Variants in GRIN2B observed in about 807,000 individuals in gnomAD.
GRIN2B encodes the protein glutamate ionotropic receptor NMDA type subunit 2B.
GRIN2B carries 5 observed loss-of-function variants against 114.5 expected under a neutral mutation model. That is an observed-to-expected ratio of 0.04 (90% CI 0.02 to 0.09). GRIN2B has a LOEUF of 0.09. Among genes scored for constraint, GRIN2B ranks in the 10% least tolerant of loss-of-function variants. The probability of loss-of-function intolerance (pLI) is 1.00; values close to 1 mark genes in which losing one functional copy is unlikely to be tolerated. For synonymous variants in GRIN2B, 787 were observed against 745.1 expected, an observed-to-expected ratio of 1.06 and a Z score of -0.92; for missense variants, 1,108 against 1,943.5, an observed-to-expected ratio of 0.57 and a Z score of 8.08.
chr12:13,730,075 C>A (rs1863060832), intron 4 of GRIN2B, among the ~76,000 whole-genome samples: 1 of 150,912 alleles, frequency 6.6e-6, no homozygotes, highest in African/African-American at 2.4e-5. Context: ...TTCCTTCCTC[C>A]TATCGTGAAG....
intron 5 of GRIN2B, among the ~76,000 whole-genome samples, chr12:13,617,615 G>T (rs1949460796): frequency 6.6e-6 from 1 of 152,196 alleles, no homozygotes; most frequent in Non-Finnish European, 1.5e-5. Context: ...GGGAACACTT[G>T]CTTATTTTCT....
rs550872238 is a variant in GRIN2B, at chr12:13,620,996, G to A, written c.1126-4339C>T. On this transcript the variant is annotated intron_variant, in intron 5 of 13. Coordinates refer to ENST00000609686, the MANE Select transcript of GRIN2B (RefSeq NM_000834.5). Reference sequence around the variant, plus strand: ...ATCAGATTCCCAATTCCAACAAACAGGGTTCATGTTAAAGAACATGTTTAG... The same window carrying A: ...ATCAGATTCCCAATTCCAACAAACAAGGTTCATGTTAAAGAACATGTTTAG... Among the ~76,000 whole-genome samples the A allele has an allele frequency of 1.0e-4, 15 of 150,674 alleles. No individual in the cohort carries two copies. The East Asian group carries it at 2.9e-3, about 29-fold the overall frequency.
chr12:13,786,992 T>G (rs1386288673), intron 3 of GRIN2B, among the ~76,000 whole-genome samples: 3 of 152,110 alleles, frequency 2.0e-5, no homozygotes, highest in African/African-American at 7.2e-5. Context: ...ATCCACCTCC[T>G]CCAAGGAACC....
chr12:13,567,326 G>C, intron 12 of GRIN2B, 63 bp from the exon 13 acceptor site: 1 of 1,099,794 alleles, frequency 9.1e-7, no homozygotes, highest in Non-Finnish European at 1.4e-6. Context: ...GCAGAGAAAA[G>C]GGAGAAAGAG....
intron 3 of GRIN2B, among the ~76,000 whole-genome samples, chr12:13,770,235 G>A (rs1388901161): frequency 1.3e-5 from 2 of 152,164 alleles, no homozygotes; most frequent in Non-Finnish European, 2.9e-5. Flanking sequence ...TGAAAGAACT[G>A]GCTCTGACCA....
chr12:13,657,820 C>G lies in GRIN2B; in HGVS notation c.1125+17925G>C, dbSNP rs78372913. On this transcript the variant is annotated intron_variant, in intron 5 of 13. Transcript: ENST00000609686. ...TTTATACGATTTAATATATTTATGA[C>G]ATCATTCACAGCATATTGTGATTAT... 9.2e-5 allele frequency among the ~76,000 whole-genome samples: 14 copies of G among 152,204 alleles called. No individual in the cohort carries two copies. The East Asian group carries it at 2.7e-3, about 29-fold the overall frequency.
Position 13,605,547 on chromosome 12 carries a change from T to TGA in GRIN2B, c.2010+3055_2010+3056insTC, listed in dbSNP as rs1276977554. 3.9e-4 allele frequency among the ~76,000 whole-genome samples: 19 copies of TGA among 49,042 alleles called. 1 individual carries two copies. The highest frequency in any genetic ancestry group is 9.8e-4 in the African/African-American group (16 of 16,366). The allele number at this position is 49,042 out of a possible 152,430, so 32.2% of individuals were successfully genotyped here. On this transcript the variant is annotated intron_variant, in intron 10 of 13. Transcript: ENST00000609686. ...CTCTCTCTCTCTCTCTCTCTCTCTC[T>TGA]CTCTGACACACACACACACACACAC...
chr12:13,583,165 C>A (rs1432818096), intron 10 of GRIN2B, among the ~76,000 whole-genome samples: 1 of 152,166 alleles, frequency 6.6e-6, no homozygotes, highest in Non-Finnish European at 1.5e-5. Flanking sequence ...GCATAAACCA[C>A]ATATAAGCCA....
At position 13,927,643 on chromosome 12, in the gene GRIN2B, G is replaced by A. The variant is rs535108608; in HGVS notation, c.-19+52285C>T. 1.6e-4 allele frequency among the ~76,000 whole-genome samples: 25 copies of A among 152,096 alleles called. No individual in the cohort carries two copies. In the East Asian group the frequency reaches 4.5e-3, roughly 27 times the overall value. On this transcript the variant is annotated intron_variant, in intron 2 of 13. Coordinates refer to ENST00000609686, the MANE Select transcript of GRIN2B (RefSeq NM_000834.5). ...GTGAGAAAATGACCACACCCTACCAGTGTTTATATTAGCTAACAGAGAGGG... is the reference window on the plus strand; with the variant it reads ...GTGAGAAAATGACCACACCCTACCAATGTTTATATTAGCTAACAGAGAGGG...
chr12:13,711,600 T>C (rs1447251725), intron 4 of GRIN2B, among the ~76,000 whole-genome samples: 4 of 152,102 alleles, frequency 2.6e-5, no homozygotes, highest in African/African-American at 9.7e-5. Context: ...AAAGAAGACA[T>C]TTATGCAGCC....
chr12:13,717,619 C>CGACCACTTGT, intron 4 of GRIN2B, among the ~76,000 whole-genome samples: 1 of 151,868 alleles, frequency 6.6e-6, no homozygotes, highest in Non-Finnish European at 1.5e-5. Context: ...AGTAGACGCG[C>CGACCACTTGT]GAGAACCCAC....
chr12:13,839,967 A>G (rs1006621299), intron 3 of GRIN2B, among the ~76,000 whole-genome samples: 4 of 152,196 alleles, frequency 2.6e-5, no homozygotes, highest in Admixed American at 1.3e-4. Flanking sequence ...ACCATGGGAT[A>G]TTTTTATACG....
At position 13,562,873 on chromosome 12, in the gene GRIN2B, A is replaced by G; in HGVS notation, c.4365T>C (p.Cys1455=). The G allele has an allele frequency of 6.2e-7, 1 of 1,614,162 alleles. No homozygotes were observed. The highest frequency in any genetic ancestry group is 2.2e-5 in the East Asian group (1 of 44,882). The change falls in exon 14 of 14, where the codon TGT becomes TGC. Residue 1455 remains cysteine (C), a synonymous_variant. Coordinates refer to ENST00000609686, the MANE Select transcript of GRIN2B (RefSeq NM_000834.5). ...CCCTGGGGTTTTTGTTGTTAGGCACACAGGGGTTGGACTGGTTCCCTATAC... is the reference window on the plus strand; with the variant it reads ...CCCTGGGGTTTTTGTTGTTAGGCACGCAGGGGTTGGACTGGTTCCCTATAC... ...DICIGNQSNP[C]VPNNKNPRAF...
chr12:13,698,074 C>T (rs1342518177), intron 4 of GRIN2B, among the ~76,000 whole-genome samples: 1 of 152,214 alleles, frequency 6.6e-6, no homozygotes, highest in Non-Finnish European at 1.5e-5. Flanking sequence ...TTTCTTCCAG[C>T]TTCGGCATTC....
intron 3 of GRIN2B, among the ~76,000 whole-genome samples, chr12:13,761,873 A>T (rs1863686127): frequency 6.6e-6 from 1 of 152,238 alleles, no homozygotes; most frequent in Admixed American, 6.5e-5. Flanking sequence ...AGTGTTAATT[A>T]AGTAGTAGCG....
Position 13,615,744 on chromosome 12 carries a change from A to G in GRIN2B, c.1329-80T>C. On this transcript the variant is annotated intron_variant, in intron 6 of 13. Coordinates refer to ENST00000609686, the MANE Select transcript of GRIN2B (RefSeq NM_000834.5). This position sits in a 1 kb window ranked among gnomAD's most constrained non-coding sequence, Gnocchi z 5.8. ...CCAACATTTATTACCCTTTGCCATT[A>G]AAAAACCTCCAATCCCAAAGCAGGC... 1 of 1,225,980 alleles carries G rather than the reference A, an allele frequency of 8.2e-7. No individual in the cohort carries two copies. Among genetic ancestry groups the G allele is most frequent in the East Asian group, 2.3e-5 (1 of 43,154 alleles). The allele number at this position is 1,225,980 out of a possible 1,614,324, so 75.9% of individuals were successfully genotyped here.
At chr12:13,711,665 A>G (rs1303662418) in intron 4 of GRIN2B, among the ~76,000 whole-genome samples, 1 of 152,160 alleles carries the variant, frequency 6.6e-6, no homozygotes, top group Admixed American at 6.5e-5. Context: ...AATGCAAATC[A>G]AAACCACAAT....
chr12:13,658,504 G>A (rs1459589656), intron 5 of GRIN2B, among the ~76,000 whole-genome samples: 1 of 151,350 alleles, frequency 6.6e-6, no homozygotes, highest in Non-Finnish European at 1.5e-5. Flanking sequence ...TTAAGACCAC[G>A]GTTTAAGGTA....
chr12:13,897,384 G>A (rs1449299500), intron 2 of GRIN2B, among the ~76,000 whole-genome samples: 1 of 152,146 alleles, frequency 6.6e-6, no homozygotes, highest in Non-Finnish European at 1.5e-5. Context: ...ATCTACCAAT[G>A]AGCAGGCTCC....
Sources: gnomAD v4.1 joint callset for allele counts (sites outside exome capture counted in the v4.1 genomes callset) on GRCh38, gnomAD v4.1.1 for gene constraint, Gnocchi (gnomAD v3.1) non-coding constraint, MANE v1.5 for transcripts, NCBI Gene and HGNC (gene_info 2026-07-23, HGNC 2026-07-21) for gene names.